RNF213: variants seen among roughly 807,000 people sequenced by gnomAD.
RNF213 encodes the protein ring finger protein 213.
Under a neutral mutation model 514.4 loss-of-function variants are expected in RNF213, and 341 were observed. That is an observed-to-expected ratio of 0.66 (90% confidence interval 0.61 to 0.73). The LOEUF (loss-of-function observed/expected upper bound fraction) is 0.73. RNF213 is among the 30% of genes least tolerant of loss of function. The pLI is 0.00. For missense variants in RNF213, 5,767 were observed against 6,615.6 expected, an observed-to-expected ratio of 0.87 and a Z score of 4.45; for synonymous variants, 2,655 against 2,658.2, an observed-to-expected ratio of 1.00 and a Z score of 0.04.
At chr17:80,261,852 C>G (rs2043434920) in intron 1 of RNF213, among the ~76,000 whole-genome samples, 2 of 152,274 alleles carry the variant, frequency 1.3e-5, no homozygotes, top group South Asian at 2.1e-4. Flanking sequence ...CCCGTTTCTA[C>G]TAAAAACACA....
At position 80,389,997 on chromosome 17, in the gene RNF213, C is replaced by A; in HGVS notation, c.15286-15C>A. The A allele has an allele frequency of 6.2e-7, 1 of 1,614,218 alleles. No individual in the cohort carries two copies. On this transcript the variant is annotated splice_polypyrimidine_tract_variant and intron_variant, in intron 66 of 67. Coordinates refer to ENST00000582970, the MANE Select transcript of RNF213 (RefSeq NM_001256071.3). ...TGCAGGCTTTAATGCTTCATTTGCT[C>A]TTCCGTCGTTTTAGGAGCCATTTGG...
chr17:80,381,338 G>T lies in RNF213; in HGVS notation c.13798-209G>T. ...CCAAGATGGCCAACAGTACAATCTG[G>T]ATATTCTTTATCTCACTGTAACAAC... On this transcript the variant is annotated intron_variant, in intron 56 of 67. Coordinates refer to ENST00000582970, the MANE Select transcript of RNF213 (RefSeq NM_001256071.3). The T allele has an allele frequency of 4.7e-6, 3 of 644,070 alleles. No homozygotes were observed. In the South Asian group the frequency reaches 5.2e-5, roughly 11 times the overall value. 39.9% of individuals were successfully genotyped at this position (644,070 alleles called of 1,614,324 possible).
Position 80,371,999 on chromosome 17 carries a change from C to T in RNF213, c.12537+14C>T. The T allele has an allele frequency of 7.6e-7, 1 of 1,309,976 alleles. No individual in the cohort carries two copies. Among genetic ancestry groups the T allele is most frequent in the Non-Finnish European group, 1.1e-6 (1 of 902,428 alleles). 81.1% of individuals were successfully genotyped at this position (1,309,976 alleles called of 1,614,324 possible). On this transcript the variant is annotated intron_variant, in intron 47 of 67. Coordinates refer to ENST00000582970, the MANE Select transcript of RNF213 (RefSeq NM_001256071.3). ...AACTGCCTGGAGGTAAGTGAACTCT[C>T]TCTTCCCTGAATTTCTTTTGGAAAC...
Position 80,339,892 on chromosome 17 carries a change from C to T in RNF213, c.5525C>T (p.Pro1842Leu). The change falls in exon 26 of 68, where the codon CCA (proline) becomes CTA (leucine). Residue 1842 changes from proline (P) to leucine (L), a missense_variant. Pro to Leu is a moderately conservative substitution (Grantham distance 98). Around this residue, in one of 13 missense-constraint regions of RNF213, gnomAD observed 1,377 missense variants for 1,635.2 expected, o/e 0.84. Coordinates refer to ENST00000582970, the MANE Select transcript of RNF213 (RefSeq NM_001256071.3). ...LVVCGHSEVL[P>L]AALAVYMQTP... Reference sequence around the variant, plus strand: ...GTCTGTGGCCACTCCGAGGTGTTGCCAGCCGCCCTGGCTGTCTACATGCAA... The same window carrying T: ...GTCTGTGGCCACTCCGAGGTGTTGCTAGCCGCCCTGGCTGTCTACATGCAA... 6.5e-7 allele frequency: 1 copy of T among 1,536,988 alleles called. No homozygotes were observed. The highest frequency in any genetic ancestry group is 1.2e-5 in the South Asian group (1 of 84,052).
At chr17:80,320,540 G>T (rs1256071806) in intron 17 of RNF213, 2 of 152,120 alleles carry the variant, frequency 1.3e-5, no homozygotes, top group African/African-American at 4.8e-5. Context: ...AGAACAATGT[G>T]CCGCCACACT....
chr17:80,293,117 G>A (rs1209111532), intron 8 of RNF213, among the ~76,000 whole-genome samples: 2 of 152,018 alleles, frequency 1.3e-5, no homozygotes, highest in African/African-American at 4.8e-5. Context: ...GAGTGCAGTG[G>A]CACGATCTCG....
At chr17:80,381,836 G>A in intron 57 of RNF213, 109 bp downstream of exon 57, 1 of 1,043,380 alleles carries the variant, frequency 9.6e-7, no homozygotes, top group Non-Finnish European at 1.4e-6. Flanking sequence ...AGCTCTGTCT[G>A]TGCTGTTGCT....
chr17:80,276,480 CA>C (rs1377036385), intron 3 of RNF213, among the ~76,000 whole-genome samples: 1 of 152,028 alleles, frequency 6.6e-6, no homozygotes, highest in Non-Finnish European at 1.5e-5. Flanking sequence ...AGAGTTGACA[CA>C]GAAGATGTGA....
At chr17:80,374,848 C>T in intron 50 of RNF213, 1 of 488,394 alleles carries the variant, frequency 2.0e-6, no homozygotes, top group East Asian at 3.9e-5. Context: ...CCAAGTCCAT[C>T]AGCAGCGCCT....
chr17:80,330,817 T>C (rs1004600149), intron 20 of RNF213, among the ~76,000 whole-genome samples: 2 of 152,218 alleles, frequency 1.3e-5, no homozygotes, highest in Non-Finnish European at 2.9e-5. Flanking sequence ...GTGTGCTGGA[T>C]GGACCATGTC....
chr17:80,319,394 C>T, intron 17 of RNF213, 82 bp downstream of exon 17: 1 of 1,614,208 alleles, frequency 6.2e-7, no homozygotes. Flanking sequence ...TATGAAGCAC[C>T]CGCTGGGTCT....
chr17:80,387,953 ATTTTTTTT>A (rs35624579), intron 63 of RNF213, among the ~76,000 whole-genome samples: 2 of 111,348 alleles, frequency 1.8e-5, no homozygotes, highest in Non-Finnish European at 3.6e-5. Context: ...GAGCCCATGG[ATTTTTTTT>A]TTTTTTTTTT....
chr17:80,338,074 C>T lies in RNF213; in HGVS notation c.4833+77C>T, dbSNP rs945615927. The T allele has an allele frequency of 4.0e-5, 60 of 1,496,272 alleles. No individual in the cohort carries two copies. The Middle Eastern group carries it at 5.2e-4, about 13-fold the overall frequency. The allele number at this position is 1,496,272 out of a possible 1,614,324, so 92.7% of individuals were successfully genotyped here. A position where few individuals can be genotyped will look rare whatever the true frequency, so the allele number is the denominator to read the frequency against. On this transcript the variant is annotated intron_variant, in intron 25 of 67. Transcript: ENST00000582970. ...TGAGGGCTGTGTACTCCCAAGAAAA[C>T]GGAAAGGATTTGACTTGGGATTTGA...
In RNF213 at chr17:80,332,503, C is replaced by T. The variant is rs371224096; in HGVS notation, c.4015C>T (p.Arg1339Ter). The T allele has an allele frequency of 2.0e-6, 3 of 1,536,942 alleles. No homozygotes were observed. Among genetic ancestry groups the T allele is most frequent in the South Asian group, 1.2e-5 (1 of 84,048 alleles). The change falls in exon 21 of 68, where the codon CGA becomes TGA. Residue 1339 changes from arginine (R) to a stop codon, truncating the protein, a stop_gained. Transcript: ENST00000582970. LOFTEE classifies it high-confidence loss of function. ...GGACCAAAGAGATTGGATCAAGGAC[C>T]GAGTCGAACAGATCAAGGAATACCA... ...HQDQRDWIKD[R>*]VEQIKEYHHL...
intron 10 of RNF213, among the ~76,000 whole-genome samples, chr17:80,297,339 A>G (rs543376078): frequency 4.0e-5 from 6 of 151,810 alleles, no homozygotes; most frequent in African/African-American, 1.4e-4. Flanking sequence ...AATCCCAGCT[A>G]CTCAGGAGGC....
chr17:80,325,684 C>G (rs559405836), intron 18 of RNF213, among the ~76,000 whole-genome samples: 1 of 152,152 alleles, frequency 6.6e-6, no homozygotes, highest in East Asian at 1.9e-4. Context: ...TCCCCCCAGC[C>G]CCCCGCGCCC....
At chr17:80,369,024 G>A (rs899715972) in intron 44 of RNF213, among the ~76,000 whole-genome samples, 1 of 152,186 alleles carries the variant, frequency 6.6e-6, no homozygotes, top group Non-Finnish European at 1.5e-5. Flanking sequence ...TCCAGAAAGG[G>A]ATGCATGTAA....
In RNF213 at chr17:80,393,786, T is replaced by C; in HGVS notation, c.*288T>C. On this transcript the variant is annotated 3_prime_UTR_variant, in exon 68 of 68. Transcript: ENST00000582970. ...GATGAAATTGGAAATAAACCAACAT[T>C]GTTTACATTCCAGGAGACTTGTAGC... The C allele has an allele frequency of 2.5e-6, 1 of 402,474 alleles. No individual in the cohort carries two copies. The highest frequency in any genetic ancestry group is 4.7e-6 in the Non-Finnish European group (1 of 212,772). 24.9% of individuals were successfully genotyped at this position (402,474 alleles called of 1,614,324 possible).
At position 80,393,360 on chromosome 17, in the gene RNF213, C is replaced by G; in HGVS notation, c.15486C>G (p.Leu5162=). 6.2e-7 allele frequency: 1 copy of G among 1,614,028 alleles called. No homozygotes were observed. Among genetic ancestry groups the G allele is most frequent in the Non-Finnish European group, 8.5e-7 (1 of 1,179,998 alleles). ...GGTTTTTCAGCCTGAGAGACACTCT[C>G]GTAAGTTACATGCAAACTAAAGAAA... ...FRPQWSLRDT[L]VSYMQTKESE... Residue 5162 remains leucine (L), a synonymous_variant, in exon 68 of 68, where the codon CTC becomes CTG. Transcript: ENST00000582970.
Sources: allele counts gnomAD v4.1 joint callset (sites outside exome capture counted in the v4.1 genomes callset), GRCh38; gene constraint gnomAD v4.1.1; regional missense constraint gnomAD v4.1.1; transcripts MANE v1.5; gene names NCBI Gene and HGNC (gene_info 2026-07-23, HGNC 2026-07-21).